EXOC6B: variants seen among roughly 807,000 people sequenced by gnomAD.
EXOC6B encodes exocyst complex component 6B.
A neutral mutation model predicts 113.5 loss-of-function variants in EXOC6B; 54 were observed. The ratio of observed to expected loss-of-function variants is 0.48; its 90% CI spans 0.38 to 0.60. The LOEUF is 0.60. Ranked by LOEUF, EXOC6B falls within the 20% of genes least tolerant of loss-of-function variation. The probability of loss-of-function intolerance (pLI) is 0.00; values close to 1 mark genes in which losing one functional copy is unlikely to be tolerated. For missense variants in EXOC6B, 797 were observed against 977.5 expected (o/e 0.82, Z 2.46); for synonymous variants, 357 against 339.0 (o/e 1.05, Z -0.58).
intron 6 of EXOC6B, among the ~76,000 whole-genome samples, chr2:72,705,309 T>G (rs2104660193): frequency 6.6e-6 from 1 of 152,162 alleles, no homozygotes; most frequent in East Asian, 1.9e-4. Flanking sequence ...ATAAATTAGG[T>G]ATTGATGGGA....
chr2:72,694,709 A>C (rs905221168), intron 6 of EXOC6B, among the ~76,000 whole-genome samples: 5 of 152,204 alleles, frequency 3.3e-5, no homozygotes, highest in African/African-American at 1.2e-4. Flanking sequence ...GGAGTTGCTA[A>C]AGAATCTTGC....
At chr2:72,777,262 T>A (rs1159655115) in intron 1 of EXOC6B, among the ~76,000 whole-genome samples, 2 of 152,000 alleles carry the variant, frequency 1.3e-5, no homozygotes, top group Non-Finnish European at 2.9e-5. Flanking sequence ...AAAAACAGAC[T>A]CTTGAGATTC....
chr2:72,395,998 T>A (rs942903229), intron 18 of EXOC6B, among the ~76,000 whole-genome samples: 2 of 152,120 alleles, frequency 1.3e-5, no homozygotes, highest in African/African-American at 2.4e-5. Flanking sequence ...TAGAATTAAA[T>A]ATTCCACATT....
At chr2:72,220,329 A>G (rs909136608) in intron 20 of EXOC6B, among the ~76,000 whole-genome samples, 2 of 152,100 alleles carry the variant, frequency 1.3e-5, no homozygotes, top group African/African-American at 4.8e-5. Context: ...GTTGAGCCCA[A>G]GCAGATGTGT....
intron 19 of EXOC6B, among the ~76,000 whole-genome samples, chr2:72,371,734 G>A (rs1284747265): frequency 2.6e-5 from 4 of 152,086 alleles, no homozygotes; most frequent in African/African-American, 9.7e-5. Context: ...CATACTGAAT[G>A]GAGAAAAACC....
At chr2:72,809,923 A>G (rs888628144) in intron 1 of EXOC6B, among the ~76,000 whole-genome samples, 16 of 152,076 alleles carry the variant, frequency 1.1e-4, no homozygotes, top group Non-Finnish European at 2.1e-4. Context: ...AAAACACAAC[A>G]CCCAACAGCA....
At chr2:72,645,981 C>CAA (rs1227113509) in intron 6 of EXOC6B, among the ~76,000 whole-genome samples, 1 of 151,838 alleles carries the variant, frequency 6.6e-6, no homozygotes, top group Non-Finnish European at 1.5e-5. Context: ...AAAAACCCTT[C>CAA]AAAAAAATCA....
chr2:72,809,630 G>A (rs189042336), intron 1 of EXOC6B, among the ~76,000 whole-genome samples: 18 of 151,734 alleles, frequency 1.2e-4, no homozygotes, highest in Admixed American at 3.9e-4. Flanking sequence ...ACAAAGTTTC[G>A]GTTTTTTGAA....
intron 1 of EXOC6B, among the ~76,000 whole-genome samples, chr2:72,813,464 C>T (rs1342411267): frequency 2.6e-5 from 4 of 152,108 alleles, no homozygotes; most frequent in Non-Finnish European, 5.9e-5. Context: ...ATCTATTTTT[C>T]TTGGGGTTTC....
intron 18 of EXOC6B, among the ~76,000 whole-genome samples, chr2:72,450,456 TAAAAAGTAAAGGAATTAA>T: frequency 6.6e-6 from 1 of 152,284 alleles, no homozygotes; most frequent in Non-Finnish European, 1.5e-5. Flanking sequence ...CACATTATTT[TAAAAAGTAAAGGAATTAA>T]AACAGTGAGA....
intron 1 of EXOC6B, among the ~76,000 whole-genome samples, chr2:72,809,038 C>G (rs1002905869): frequency 6.6e-6 from 1 of 152,110 alleles, no homozygotes; most frequent in African/African-American, 2.4e-5. Context: ...TGCACTACAG[C>G]CTGGGTGACA....
At chr2:72,560,564 C>G (rs1385625216) in intron 7 of EXOC6B, among the ~76,000 whole-genome samples, 1 of 152,012 alleles carries the variant, frequency 6.6e-6, no homozygotes, top group Non-Finnish European at 1.5e-5. Context: ...TACCAAGATA[C>G]TTTTCTTAAT....
intron 18 of EXOC6B, among the ~76,000 whole-genome samples, chr2:72,439,141 ATAAT>A (rs749577418): frequency 4.7e-4 from 72 of 152,212 alleles, no homozygotes; most frequent in African/African-American, 1.6e-3. Flanking sequence ...TTCTTAAAGA[ATAAT>A]TATTTGTAAA....
At chr2:72,637,177 T>C (rs1672901045) in intron 6 of EXOC6B, among the ~76,000 whole-genome samples, 1 of 151,592 alleles carries the variant, frequency 6.6e-6, no homozygotes. Flanking sequence ...AAAACCAAAA[T>C]GAAAAAAACA....
chr2:72,613,612 T>C (rs1427755295), intron 6 of EXOC6B, among the ~76,000 whole-genome samples: 1 of 152,072 alleles, frequency 6.6e-6, no homozygotes, highest in Non-Finnish European at 1.5e-5. Context: ...TCACCAAATA[T>C]TACTTAATAT....
At chr2:72,754,178 T>C (rs1682245887) in intron 1 of EXOC6B, among the ~76,000 whole-genome samples, 1 of 151,788 alleles carries the variant, frequency 6.6e-6, no homozygotes, top group African/African-American at 2.4e-5. Flanking sequence ...AGAGTCACCA[T>C]GCCCAGCTCA....
chr2:72,511,343 C>T (rs1700884224), intron 11 of EXOC6B, among the ~76,000 whole-genome samples: 1 of 152,028 alleles, frequency 6.6e-6, no homozygotes, highest in African/African-American at 2.4e-5. Flanking sequence ...CACTATCATC[C>T]AAGAAAGGAA....
intron 6 of EXOC6B, among the ~76,000 whole-genome samples, chr2:72,659,144 C>A (rs1674823020): frequency 6.6e-6 from 1 of 152,050 alleles, no homozygotes; most frequent in Non-Finnish European, 1.5e-5. Flanking sequence ...GGAATATCCA[C>A]AATATGAAAA....
intron 16 of EXOC6B, among the ~76,000 whole-genome samples, chr2:72,490,366 A>G (rs1443755147): frequency 6.6e-6 from 1 of 152,160 alleles, no homozygotes; most frequent in Non-Finnish European, 1.5e-5. Flanking sequence ...TACTGTACTA[A>G]CTGAAATCAA....
Sources: gnomAD v4.1 joint callset for allele counts (sites outside exome capture counted in the v4.1 genomes callset) on GRCh38, gnomAD v4.1.1 for gene constraint, MANE v1.5 for transcripts, NCBI Gene and HGNC (gene_info 2026-07-23, HGNC 2026-07-21) for gene names.